Variants in KHDRBS2 observed in about 807,000 individuals in gnomAD.
KHDRBS2 encodes the protein KH domain-containing, RNA-binding, signal transduction-associated protein 2.
KHDRBS2 carries 26 observed loss-of-function variants against 44.3 expected under a neutral mutation model. The ratio of observed to expected loss-of-function variants is 0.59; its 90% CI spans 0.43 to 0.81. The LOEUF is 0.81. Among genes scored for constraint, KHDRBS2 ranks in the 40% least tolerant of loss-of-function variants. The pLI is 0.00. For missense variants in KHDRBS2, 476 were observed against 433.1 expected (o/e 1.10, Z -0.88); for synonymous variants, 194 against 151.1 (o/e 1.28, Z -2.08).
chr6:61,552,871 T>A, the KHDRBS2 span, among the ~76,000 whole-genome samples: 1 of 152,184 alleles, frequency 6.6e-6, no homozygotes, highest in East Asian at 1.9e-4. Context: ...GTGGATTAGC[T>A]TTTTGATGTG....
chr6:61,988,686 T>A (rs1257764503), intron 3 of KHDRBS2, among the ~76,000 whole-genome samples: 1 of 152,180 alleles, frequency 6.6e-6, no homozygotes, highest in Non-Finnish European at 1.5e-5. Flanking sequence ...ACTGGTTGAG[T>A]ACACTTTGCC....
chr6:61,777,428 A>T (rs1782248468), intron 6 of KHDRBS2, among the ~76,000 whole-genome samples: 2 of 152,204 alleles, frequency 1.3e-5, no homozygotes, highest in African/African-American at 2.4e-5. Context: ...ATGAAGACTC[A>T]GCAATGCTAG....
Position 62,177,294 on chromosome 6 carries a change from C to T in KHDRBS2, c.110G>A (p.Gly37Asp), listed in dbSNP as rs775435233. 15 of 1,595,354 alleles carry T rather than the reference C, an allele frequency of 9.4e-6. No homozygotes were observed. The highest frequency in any genetic ancestry group is 1.0e-5 in the Non-Finnish European group (12 of 1,168,458). ...LLAEEIEKFQ[G>D]SDGKKEDEEK... ...TTCGTCTTCCTTTTTTCCATCAGAA[C>T]CTTGAAACTTTTCAATTTCTGGAAG... The change falls in exon 2 of 9, where the codon GGT becomes GAT. Residue 37 changes from glycine (G) to aspartate (D), a missense_variant. Gly to Asp is a moderately conservative substitution (Grantham distance 94). Transcript: ENST00000281156.
intron 6 of KHDRBS2, among the ~76,000 whole-genome samples, chr6:61,887,618 T>C (rs1271602923): frequency 6.6e-6 from 1 of 152,152 alleles, no homozygotes; most frequent in African/African-American, 2.4e-5. Context: ...ATACATTCCA[T>C]GTGGTCAGAA....
chr6:61,809,669 A>T (rs1258543222), intron 6 of KHDRBS2, among the ~76,000 whole-genome samples: 1 of 152,178 alleles, frequency 6.6e-6, no homozygotes, highest in African/African-American at 2.4e-5. Flanking sequence ...TGCTGTGCCC[A>T]GAAAATGGCA....
At chr6:61,817,318 C>T (rs573498333) in intron 6 of KHDRBS2, among the ~76,000 whole-genome samples, 168 of 152,154 alleles carry the variant, frequency 1.1e-3, no homozygotes, top group African/African-American at 3.9e-3. Context: ...TATCCCAATA[C>T]ATATTAACTT....
intron 3 of KHDRBS2, among the ~76,000 whole-genome samples, chr6:62,036,462 C>T (rs1306600146): frequency 6.6e-6 from 1 of 151,902 alleles, no homozygotes; most frequent in East Asian, 1.9e-4. Context: ...ACCTGTCTTA[C>T]AAAATAATCT....
intron 6 of KHDRBS2, among the ~76,000 whole-genome samples, chr6:61,828,607 C>T (rs559283626): frequency 2.3e-4 from 35 of 152,290 alleles, no homozygotes; most frequent in African/African-American, 7.9e-4. Flanking sequence ...GTTCTTTCCT[C>T]TGTATACCTT....
chr6:61,825,008 T>C (rs1482046173), intron 6 of KHDRBS2, among the ~76,000 whole-genome samples: 2 of 152,146 alleles, frequency 1.3e-5, no homozygotes, highest in Admixed American at 1.3e-4. Flanking sequence ...AAATCTATCA[T>C]TTCACAATTC....
intron 2 of KHDRBS2, among the ~76,000 whole-genome samples, chr6:62,088,878 CCT>C (rs749032292): frequency 1.1e-4 from 16 of 152,102 alleles, no homozygotes; most frequent in Non-Finnish European, 2.1e-4. Context: ...TCTATAAGCC[CCT>C]GACTGGTGCT....
At chr6:62,131,695 CAGT>C (rs1338614333) in intron 2 of KHDRBS2, among the ~76,000 whole-genome samples, 4 of 152,140 alleles carry the variant, frequency 2.6e-5, no homozygotes, top group African/African-American at 9.7e-5. Flanking sequence ...CTGAACCCAA[CAGT>C]AGGCCAGAGG....
chr6:62,089,429 A>C lies in KHDRBS2; in HGVS notation c.220-41435T>G, dbSNP rs190502476. Among the ~76,000 whole-genome samples the C allele has an allele frequency of 1.2e-3, 186 of 152,254 alleles. 1 individual carries two copies. The highest frequency in any genetic ancestry group is 4.1e-3 in the African/African-American group (170 of 41,540). ...TCTGGGAAAAGTGTAGTATCTGGGC[A>C]GGATAGCACCATCCCCCATGGCATG... On this transcript the variant is annotated intron_variant, in intron 2 of 8. Transcript: ENST00000281156.
At chr6:61,679,362 A>G (rs919273785), downstream of KHDRBS2, among the ~76,000 whole-genome samples, 1 of 151,886 alleles carries the variant, frequency 6.6e-6, no homozygotes, top group Non-Finnish European at 1.5e-5. Context: ...GTTAATTTTA[A>G]TTAGTTGTTT....
intron 8 of KHDRBS2, among the ~76,000 whole-genome samples, chr6:61,692,775 G>T (rs1040576720): frequency 6.6e-6 from 1 of 152,028 alleles, no homozygotes; most frequent in Non-Finnish European, 1.5e-5. Context: ...CCTGCCATTC[G>T]GGAGAGCATT....
intron 6 of KHDRBS2, among the ~76,000 whole-genome samples, chr6:61,823,984 A>G (rs1231026472): frequency 6.6e-6 from 1 of 152,138 alleles, no homozygotes; most frequent in Admixed American, 6.6e-5. Context: ...CACAAAAACC[A>G]AACAGAAAAT....
At position 62,204,927 on chromosome 6, in the gene KHDRBS2, G is replaced by C. The variant is rs545750105; in HGVS notation, c.92-27615C>G. ...TAGTTCAAGCCCATGTTATTCAAGG[G>C]TCAACAGTATGTAGGAAACAGCCTC... On this transcript the variant is annotated intron_variant, in intron 1 of 8. Transcript: ENST00000281156. Among the ~76,000 whole-genome samples, 10 of 152,198 alleles carry C rather than the reference G, an allele frequency of 6.6e-5. 1 individual carries two copies. In the South Asian group the frequency reaches 2.1e-3, roughly 32 times the overall value.
At chr6:61,667,151 G>C in the KHDRBS2 span, among the ~76,000 whole-genome samples, 1 of 146,742 alleles carries the variant, frequency 6.8e-6, no homozygotes, top group Admixed American at 6.8e-5. Context: ...TTTTTTTTAA[G>C]ATGGAAGGAC....
At chr6:61,839,241 G>T (rs994833671) in intron 6 of KHDRBS2, among the ~76,000 whole-genome samples, 1 of 151,996 alleles carries the variant, frequency 6.6e-6, no homozygotes, top group Non-Finnish European at 1.5e-5. Context: ...ATAGAAAGTT[G>T]ATTATAATTT....
At position 61,697,225 on chromosome 6, in the gene KHDRBS2, C is replaced by A; in HGVS notation, c.922G>T (p.Gly308Ter). The A allele has an allele frequency of 1.9e-6, 3 of 1,609,820 alleles. No individual in the cohort carries two copies. The highest frequency in any genetic ancestry group is 2.6e-6 in the Non-Finnish European group (3 of 1,176,266). The part of the protein sequence containing the change: ...SVPEYYDYGH[G>*]VSEDAYDSYA... The stretch of plus-strand genomic sequence containing the variant: ...CTGTCATAGGCATCCTCACTTACTC[C>A]ATGACCGTAGTCATAGTATTCAGGC... The change falls in exon 8 of 9, where the codon GGA becomes TGA. Residue 308 changes from glycine to a stop codon, truncating the protein, a stop_gained. Coordinates refer to ENST00000281156, the MANE Select transcript of KHDRBS2 (RefSeq NM_152688.4). LOFTEE classifies it high-confidence loss of function.
Sources: allele counts gnomAD v4.1 joint callset (sites outside exome capture counted in the v4.1 genomes callset), GRCh38; gene constraint gnomAD v4.1.1; transcripts MANE v1.5; gene names NCBI Gene and HGNC (gene_info 2026-07-23, HGNC 2026-07-21).